CCDC68: variants seen among roughly 807,000 people sequenced by gnomAD.
The protein encoded by CCDC68 is coiled-coil domain containing 68, also known as coiled-coil domain-containing protein 68.
CCDC68 carries 45 observed loss-of-function variants against 47.1 expected under a neutral mutation model. That is an observed-to-expected ratio of 0.96 (90% CI 0.75 to 1.23). CCDC68 has a LOEUF of 1.23. CCDC68 is among the 50% of genes most tolerant of loss of function. The pLI is 0.00. For missense variants in CCDC68, 353 were observed against 373.6 expected (o/e 0.94, Z 0.45); for synonymous variants, 131 against 129.5 (o/e 1.01, Z -0.08).
At position 54,942,699 on chromosome 18, in the gene CCDC68, A is replaced by C. The variant is rs373635177; in HGVS notation, c.93T>G (p.Ile31Met). ...CCTTTTTCACATACTCGGTTTCTTC[A>C]ATAATGTGAGCGGACGTAGACTCAT... Reference protein sequence around the residue: ...ALYESTSAHIIEETEYVKKIR... With the variant: ...ALYESTSAHIMEETEYVKKIR... Residue 31 changes from isoleucine to methionine, a missense_variant, in exon 3 of 12, where the codon ATT becomes ATG. Ile to Met is a conservative substitution (Grantham distance 10). Coordinates refer to ENST00000591504, the MANE Select transcript of CCDC68 (RefSeq NM_025214.3). The C allele has an allele frequency of 1.6e-5, 26 of 1,603,712 alleles. No homozygotes were observed. Among genetic ancestry groups the C allele is most frequent in the African/African-American group, 2.7e-5 (2 of 74,410 alleles).
intron 1 of CCDC68, among the ~76,000 whole-genome samples, chr18:54,951,393 G>A (rs1455696905): frequency 6.6e-6 from 1 of 152,172 alleles, no homozygotes; most frequent in African/African-American, 2.4e-5. Context: ...TGTTAAGTGA[G>A]GACTATATGC....
intron 10 of CCDC68, among the ~76,000 whole-genome samples, chr18:54,915,060 A>G (rs1599032350): frequency 6.6e-6 from 1 of 152,248 alleles, no homozygotes; most frequent in South Asian, 2.1e-4. Context: ...ACTTAATTAG[A>G]TATGAGCAGA....
rs1913810482 is a variant in CCDC68, at chr18:54,903,665, C to T, written c.*693G>A. ...GTGCGTTTGTGTGTACAGGTTACCT[C>T]TAGAAACCAATTTTTAATCCCAGAA... On this transcript the variant is annotated 3_prime_UTR_variant, in exon 12 of 12. Coordinates refer to ENST00000591504, the MANE Select transcript of CCDC68 (RefSeq NM_025214.3). 1 of 152,152 alleles carries T rather than the reference C, an allele frequency of 6.6e-6. No individual in the cohort carries two copies. Among genetic ancestry groups the T allele is most frequent in the Non-Finnish European group, 1.5e-5 (1 of 68,034 alleles). 9.4% of individuals were successfully genotyped at this position (152,152 alleles called of 1,614,324 possible).
intron 10 of CCDC68, among the ~76,000 whole-genome samples, chr18:54,909,421 G>A (rs1476957713): frequency 7.1e-6 from 1 of 140,588 alleles, no homozygotes; most frequent in African/African-American, 2.7e-5. Context: ...TCACTCTGTC[G>A]CCCAGGCTGG....
At chr18:54,953,974 TCCCC>T (rs2044665134) in intron 1 of CCDC68, among the ~76,000 whole-genome samples, 2 of 9,356 alleles carry the variant, frequency 2.1e-4, no homozygotes, top group African/African-American at 4.0e-4. Flanking sequence ...GCCAGGACCC[TCCCC>T]TCCCCTCCCC....
rs150291390 is a variant in CCDC68, at chr18:54,924,957, G to C, written c.683+3843C>G. On this transcript the variant is annotated intron_variant, in intron 8 of 11. Coordinates refer to ENST00000591504, the MANE Select transcript of CCDC68 (RefSeq NM_025214.3). ...CTATTCTGTTTAGATGATGTTCTGAGGTAAGCCTTTGTGTTTATTACAAGG... is the reference window on the plus strand; with the variant it reads ...CTATTCTGTTTAGATGATGTTCTGACGTAAGCCTTTGTGTTTATTACAAGG... 7.5e-3 allele frequency among the ~76,000 whole-genome samples: 1,139 copies of C among 152,258 alleles called. 16 individuals carry two copies. The highest frequency in any genetic ancestry group is 6.8e-3 in the Middle Eastern group (2 of 294).
rs756335310 is a variant in CCDC68, at chr18:54,954,056, CTTTT to C, written c.-103+5276_-103+5279del. Among the ~76,000 whole-genome samples the C allele has an allele frequency of 8.9e-5, 8 of 89,914 alleles. No individual in the cohort carries two copies. In the Admixed American group the frequency reaches 1.2e-3, roughly 14 times the overall value. 59.0% of individuals were successfully genotyped at this position (89,914 alleles called of 152,430 possible). A position where few individuals can be genotyped will look rare whatever the true frequency, so the allele number is the denominator to read the frequency against. The stretch of plus-strand genomic sequence containing the variant: ...CCCTCCTTCCTTTCTTTCTTTCTTT[CTTTT>C]TTTTTTTTTGTTTCAGACATAGTCT... On this transcript the variant is annotated intron_variant, in intron 1 of 11. Transcript: ENST00000591504.
At chr18:54,945,740 C>A (rs1599090291) in intron 1 of CCDC68, among the ~76,000 whole-genome samples, 1 of 152,334 alleles carries the variant, frequency 6.6e-6, no homozygotes, top group East Asian at 1.9e-4. Flanking sequence ...GTTGATTTGG[C>A]AGCAGCAACT....
chr18:54,937,556 T>C (rs1320206065), intron 5 of CCDC68: 1 of 154,122 alleles, frequency 6.5e-6, no homozygotes, highest in Non-Finnish European at 1.4e-5. Context: ...ATGAAGGCTA[T>C]AATTAATATT....
chr18:54,942,889 A>G (rs1220575012), intron 2 of CCDC68, 86 bp from the exon 3 acceptor site: 16 of 764,630 alleles, frequency 2.1e-5, no homozygotes, highest in Non-Finnish European at 3.2e-5. Flanking sequence ...AAGTTGTTTT[A>G]TCACTATAGT....
At position 54,941,055 on chromosome 18, in the gene CCDC68, G is replaced by A. The variant is rs746269171; in HGVS notation, c.146C>T (p.Thr49Ile). 1 of 1,612,376 alleles carries A rather than the reference G, an allele frequency of 6.2e-7. No homozygotes were observed. Among genetic ancestry groups the A allele is most frequent in the Admixed American group, 1.7e-5 (1 of 59,958 alleles). Reference protein sequence around the residue: ...KIRTTLQKIRTQMFKDEIRHD... With the variant: ...KIRTTLQKIRIQMFKDEIRHD... ...TCTTATTTCATCTTTAAACATCTGG[G>A]TCCTGATCTTTTGCAGAGTAGTTCG... Residue 49 changes from threonine (T) to isoleucine (I), a missense_variant, in exon 4 of 12, where the codon ACC (threonine) becomes ATC (isoleucine). By Grantham distance (89) the Thr-to-Ile change is moderately conservative (BLOSUM62 -1). Coordinates refer to ENST00000591504, the MANE Select transcript of CCDC68 (RefSeq NM_025214.3).
At chr18:54,922,328 C>T (rs2044074882) in intron 8 of CCDC68, among the ~76,000 whole-genome samples, 1 of 152,090 alleles carries the variant, frequency 6.6e-6, no homozygotes, top group African/African-American at 2.4e-5. Context: ...TGTTGGCAAA[C>T]ATTCTGAACA....
chr18:54,912,559 A>G (rs1159325995), intron 10 of CCDC68, among the ~76,000 whole-genome samples: 2 of 152,198 alleles, frequency 1.3e-5, no homozygotes, highest in Non-Finnish European at 2.9e-5. Context: ...AACGTAAAAG[A>G]CTATGCAAAT....
chr18:54,945,953 T>A (rs2044517778), intron 1 of CCDC68, among the ~76,000 whole-genome samples: 2 of 152,224 alleles, frequency 1.3e-5, no homozygotes, highest in South Asian at 4.1e-4. Context: ...AACCCCAGCC[T>A]GGGAGCTCAA....
chr18:54,943,985 G>A (rs750110196), intron 2 of CCDC68, among the ~76,000 whole-genome samples: 5 of 152,076 alleles, frequency 3.3e-5, no homozygotes, highest in Middle Eastern at 6.8e-3. Context: ...GTGGAACCCC[G>A]TCTCTACTAA....
rs577138548 is a variant in CCDC68, at chr18:54,902,183, T to G, written c.*2175A>C. On this transcript the variant is annotated 3_prime_UTR_variant, in exon 12 of 12. Coordinates refer to ENST00000591504, the MANE Select transcript of CCDC68 (RefSeq NM_025214.3). ...CACTGTCATAATTTCCTCACTGTTA[T>G]CATTTTTGCATAGGTGGTTTCACCA... is the stretch of plus-strand genomic sequence containing the variant. 6.6e-6 allele frequency: 1 copy of G among 152,216 alleles called. No individual in the cohort carries two copies. 9.4% of individuals were successfully genotyped at this position (152,216 alleles called of 1,614,324 possible).
intron 11 of CCDC68, among the ~76,000 whole-genome samples, chr18:54,905,389 A>T (rs1599016300): frequency 3.7e-5 from 2 of 54,420 alleles, no homozygotes; most frequent in Admixed American, 3.8e-4. Flanking sequence ...GAGAGGGAAG[A>T]GGGGAGGGAA....
chr18:54,911,167 C>T (rs894372164), intron 10 of CCDC68, among the ~76,000 whole-genome samples: 3 of 152,224 alleles, frequency 2.0e-5, no homozygotes, highest in Non-Finnish European at 2.9e-5. Context: ...CCTGCCTCAG[C>T]CTCCCGAGTA....
chr18:54,937,784 G>A, intron 5 of CCDC68, 173 bp downstream of exon 5: 1 of 480,422 alleles, frequency 2.1e-6, no homozygotes, highest in Non-Finnish European at 3.7e-6. Context: ...AAATAAAACA[G>A]TGAGATATGA....
Sources: gnomAD v4.1 joint callset for allele counts (sites outside exome capture counted in the v4.1 genomes callset) on GRCh38, gnomAD v4.1.1 for gene constraint, MANE v1.5 for transcripts, NCBI Gene and HGNC (gene_info 2026-07-23, HGNC 2026-07-21) for gene names.